The following RYR1 variants were observed in gnomAD, a reference collection of about 807,000 sequenced individuals.
The protein encoded by RYR1 is ryanodine receptor 1.
A neutral mutation model predicts 583.5 loss-of-function variants in RYR1; 342 were observed. The ratio of observed to expected loss-of-function variants is 0.59; its 90% CI spans 0.54 to 0.64. RYR1 has a LOEUF of 0.64. RYR1 is among the 30% of genes least tolerant of loss of function. The pLI, the probability that RYR1 is intolerant of heterozygous loss-of-function variation, is 0.00. For synonymous variants in RYR1, 2,791 were observed against 2,822.5 expected, an observed-to-expected ratio of 0.99 and a Z score of 0.35; for missense variants, 6,032 against 6,917.2, an observed-to-expected ratio of 0.87 and a Z score of 4.54.
chr19:38,460,765 G>A (rs1392598995), intron 20 of RYR1, among the ~76,000 whole-genome samples, 174 bp downstream of exon 20: 1 of 152,214 alleles, frequency 6.6e-6, no homozygotes, highest in African/African-American at 2.4e-5. Context: ...ATCACCTGAG[G>A]TCAGGAGTTC....
intron 64 of RYR1, 43 bp from the exon 65 acceptor site, chr19:38,516,044 A>G: frequency 6.5e-7 from 1 of 1,537,922 alleles, no homozygotes; most frequent in Non-Finnish European, 8.8e-7. Flanking sequence ...CAGGACCCCA[A>G]AGAGGGGGAC....
At position 38,565,674 on chromosome 19, in the gene RYR1, G is replaced by A. The variant is rs1185668732; in HGVS notation, c.13340G>A (p.Arg4447Gln). Reference sequence around the variant, plus strand: ...GCCGTGACCGATGGGGGCCCCTTCCGGCCCGAAGGGGCTGGCGGTCTCGGG... The same window carrying A: ...GCCGTGACCGATGGGGGCCCCTTCCAGCCCGAAGGGGCTGGCGGTCTCGGG... ...AVAVTDGGPF[R>Q]PEGAGGLGDM... The change falls in exon 91 of 106, where the codon CGG becomes CAG. Residue 4447 changes from arginine (R) to glutamine (Q), a missense_variant. Arg to Gln is a conservative substitution (Grantham distance 43). Around this residue, in one of 11 missense-constraint regions of RYR1, gnomAD observed 753 missense variants for 759.6 expected, o/e 0.99. Coordinates refer to ENST00000359596, the MANE Select transcript of RYR1 (RefSeq NM_000540.3). This position sits in a 1 kb window ranked among gnomAD's most constrained non-coding sequence, Gnocchi z 4.7. 7.2e-7 allele frequency: 1 copy of A among 1,395,188 alleles called. No homozygotes were observed. Among genetic ancestry groups the A allele is most frequent in the Non-Finnish European group, 9.2e-7 (1 of 1,084,834 alleles). 86.4% of individuals were successfully genotyped at this position (1,395,188 alleles called of 1,614,324 possible).
chr19:38,442,256 G>A (rs572213386), intron 2 of RYR1, 93 bp from the exon 3 acceptor site: 51 of 890,650 alleles, frequency 5.7e-5, no homozygotes, highest in Middle Eastern at 2.3e-4. Flanking sequence ...TCAAGAGTGT[G>A]GGCATCCAGA....
At chr19:38,484,377 T>G (rs1969170127) in intron 33 of RYR1, among the ~76,000 whole-genome samples, 1 of 151,664 alleles carries the variant, frequency 6.6e-6, no homozygotes, top group Non-Finnish European at 1.5e-5. Flanking sequence ...CCTTCCTTCC[T>G]TCCTCCCTCC....
At position 38,483,083 on chromosome 19, in the gene RYR1, C is replaced by T. The variant is rs186329476; in HGVS notation, c.4677C>T (p.Asn1559=). The T allele has an allele frequency of 1.2e-4, 199 of 1,614,094 alleles. 1 individual carries two copies. In the African/African-American group the frequency reaches 2.4e-3, roughly 20 times the overall value. The stretch of plus-strand genomic sequence containing the variant: ...TCTTCGTCCTGCCCACCCACCAGAA[C>T]GTCATCCAGTTTGAGCTGGGGAAGC... ...PAVFVLPTHQ[N]VIQFELGKQK... The change falls in exon 32 of 106, where the codon AAC becomes AAT. Residue 1559 remains asparagine, a synonymous_variant. Coordinates refer to ENST00000359596, the MANE Select transcript of RYR1 (RefSeq NM_000540.3). This position sits in a 1 kb window ranked among gnomAD's most constrained non-coding sequence, Gnocchi z 6.3.
At position 38,575,953 on chromosome 19, in the gene RYR1, A is replaced by G. The variant is rs1340471795; in HGVS notation, c.14164A>G (p.Lys4722Glu). Reference protein sequence around the residue: ...FPSNYWDKFVKRKVLDKHGDI... With the variant: ...FPSNYWDKFVERKVLDKHGDI... ...TAGCAACTACTGGGACAAGTTTGTC[A>G]AGCGCAAGGTGAGAGGACATGGATG... Residue 4722 changes from lysine to glutamate, a missense_variant, in exon 97 of 106, where the codon AAG (lysine) becomes GAG (glutamate). Physicochemically the swap from Lys to Glu is moderately conservative, Grantham distance 56 (BLOSUM62 1). This residue lies in a region of RYR1 where 188 missense variants were observed against 215.6 expected (regional missense o/e 0.87). Transcript: ENST00000359596. 2 of 1,614,210 alleles carry G rather than the reference A, an allele frequency of 1.2e-6. No individual in the cohort carries two copies. The highest frequency in any genetic ancestry group is 1.7e-6 in the Non-Finnish European group (2 of 1,180,040).
At position 38,564,117 on chromosome 19, in the gene RYR1, G is replaced by A. The variant is rs547779363; in HGVS notation, c.12625-842G>A. Reference sequence around the variant, plus strand: ...AACTTGGCCAGGCGCTGTGGCTCCTGCCTGTAATCCCAGCACTTTGGGAGG... The same window carrying A: ...AACTTGGCCAGGCGCTGTGGCTCCTACCTGTAATCCCAGCACTTTGGGAGG... On this transcript the variant is annotated intron_variant, in intron 90 of 105. Coordinates refer to ENST00000359596, the MANE Select transcript of RYR1 (RefSeq NM_000540.3). 3.7e-4 allele frequency among the ~76,000 whole-genome samples: 57 copies of A among 152,334 alleles called. No homozygotes were observed. The South Asian group carries it at 7.7e-3, about 20-fold the overall frequency.
chr19:38,504,730 T>G lies in RYR1; in HGVS notation c.8068-18T>G. On this transcript the variant is annotated intron_variant, in intron 50 of 105. Coordinates refer to ENST00000359596, the MANE Select transcript of RYR1 (RefSeq NM_000540.3). ...GCTTATAGCGACCTCCTACCCCTGC[T>G]TCACCCGGTTTTCCCAGAAATACGA... 6.2e-7 allele frequency: 1 copy of G among 1,613,782 alleles called. No homozygotes were observed. The highest frequency in any genetic ancestry group is 8.5e-7 in the Non-Finnish European group (1 of 1,179,988).
chr19:38,474,889 A>G (rs1262547896), intron 28 of RYR1, among the ~76,000 whole-genome samples: 1 of 151,774 alleles, frequency 6.6e-6, no homozygotes, highest in African/African-American at 2.4e-5. Flanking sequence ...GAAATGATGG[A>G]GTCTTTGTGG....
chr19:38,443,835 C>T (rs765278509), intron 5 of RYR1, 39 bp downstream of exon 5: 38 of 1,589,190 alleles, frequency 2.4e-5, no homozygotes, highest in East Asian at 1.6e-4. Context: ...GAAGGGGCCC[C>T]GCAGCAGGGA....
chr19:38,506,791 T>G (rs1185556563), intron 56 of RYR1, 38 bp from the exon 57 acceptor site: 1 of 1,613,820 alleles, frequency 6.2e-7, no homozygotes. Context: ...GGCCCGGGTC[T>G]TCCCCAGAGC....
chr19:38,521,883 A>G (rs1971242265), intron 67 of RYR1, among the ~76,000 whole-genome samples: 2 of 150,854 alleles, frequency 1.3e-5, no homozygotes, highest in South Asian at 2.1e-4. Context: ...ATTTTTTTGT[A>G]TTTTTTAGTA....
intron 96 of RYR1, among the ~76,000 whole-genome samples, chr19:38,575,350 T>C (rs968739255): frequency 6.6e-6 from 1 of 152,112 alleles, no homozygotes; most frequent in African/African-American, 2.4e-5. Flanking sequence ...TCCCCACTGT[T>C]CAAGGTTCCT....
intron 93 of RYR1, among the ~76,000 whole-genome samples, chr19:38,570,314 TG>T (rs1335863620): frequency 1.3e-5 from 2 of 151,398 alleles, no homozygotes; most frequent in East Asian, 3.9e-4. Flanking sequence ...TAGCTGGGCG[TG>T]GTGGCACACG....
intron 71 of RYR1, among the ~76,000 whole-genome samples, chr19:38,526,338 T>C (rs1971464284): frequency 7.0e-6 from 1 of 143,634 alleles, no homozygotes; most frequent in African/African-American, 2.6e-5. Flanking sequence ...CCTATAGCCC[T>C]CCCCCCAGGA....
At chr19:38,437,041 A>AT (rs910557918) in intron 1 of RYR1, among the ~76,000 whole-genome samples, 105 of 144,068 alleles carry the variant, frequency 7.3e-4, no homozygotes, top group Middle Eastern at 3.5e-3. Context: ...CGCTTCCTTC[A>AT]TTTTTTTTTT....
rs118192125 is a variant in RYR1 at position 38,506,952 on chromosome 19, G to A, written c.8816G>A (p.Arg2939Lys). 8 of 1,612,550 alleles carry A rather than the reference G, an allele frequency of 5.0e-6. No homozygotes were observed. The highest frequency in any genetic ancestry group is 6.8e-6 in the Non-Finnish European group (8 of 1,180,034). Residue 2939 changes from arginine to lysine, a missense_variant and splice_region_variant, in exon 57 of 106, where the codon AGA becomes AAA. Transcript: ENST00000359596. ...FLQMNGYAVT[R>K]GLKDMELDSS... ...CAGATGAATGGCTACGCGGTTACAA[G>A]GCACGCGGGTTGGGGCTCCCGCGGA...
At chr19:38,516,400 C>T (rs541841812) in intron 65 of RYR1, among the ~76,000 whole-genome samples, 183 bp downstream of exon 65, 7 of 152,194 alleles carry the variant, frequency 4.6e-5, no homozygotes, top group African/African-American at 1.4e-4. Flanking sequence ...ATTTCAAGGC[C>T]GTTACATGGG....
chr19:38,586,337 G>A, intron 104 of RYR1, 146 bp downstream of exon 104: 1 of 1,107,634 alleles, frequency 9.0e-7, no homozygotes, highest in East Asian at 2.5e-5. Flanking sequence ...AGGTAAGGGT[G>A]GGGCCCCGCA....
Sources: gnomAD v4.1 joint callset for allele counts (sites outside exome capture counted in the v4.1 genomes callset) on GRCh38, gnomAD v4.1.1 for gene constraint, gnomAD v4.1.1 regional missense constraint, Gnocchi (gnomAD v3.1) non-coding constraint, MANE v1.5 for transcripts, NCBI Gene and HGNC (gene_info 2026-07-23, HGNC 2026-07-21) for gene names.